Variants in PARP1 observed in about 807,000 individuals in gnomAD.
PARP1 encodes poly [ADP-ribose] polymerase 1.
In PARP1, 44 loss-of-function variants were observed where a neutral mutation model predicts 118.7. The ratio of observed to expected loss-of-function variants is 0.37; its 90% CI spans 0.29 to 0.48. The LOEUF is 0.48. Among genes scored for constraint, PARP1 ranks in the 20% least tolerant of loss-of-function variants. The pLI, the probability that PARP1 is intolerant of heterozygous loss-of-function variation, is 0.99. For missense variants in PARP1, 1,100 were observed against 1,272.4 expected, an observed-to-expected ratio of 0.86 and a Z score of 2.06; for synonymous variants, 492 against 483.2, an observed-to-expected ratio of 1.02 and a Z score of -0.24.
intron 1 of PARP1, among the ~76,000 whole-genome samples, chr1:226,406,479 C>G (rs866867310): frequency 9.9e-5 from 15 of 152,220 alleles, no homozygotes; most frequent in African/African-American, 2.9e-4. Flanking sequence ...TTCTGCTCCA[C>G]TTCTGTGAAT....
rs751615758 is a variant in PARP1, at chr1:226,367,542, A to C, written c.2344T>G (p.Ser782Ala). 2 of 1,613,824 alleles carry C rather than the reference A, an allele frequency of 1.2e-6. No homozygotes were observed. Among genetic ancestry groups the C allele is most frequent in the South Asian group, 2.2e-5 (2 of 91,058 alleles). Residue 782 changes from serine (S) to alanine (A), a missense_variant, in exon 17 of 23, where the codon TCT becomes GCT. Physicochemically the swap from Ser to Ala is moderately conservative, Grantham distance 99 (BLOSUM62 1). Coordinates refer to ENST00000366794, the MANE Select transcript of PARP1 (RefSeq NM_001618.4). ...EVAYSLLRGG[S>A]DDSSKDPIDV... ...ATGGGATCCTTGCTGCTATCATCAG[A>C]CCCTCCCCTGAGCAGACTGTAGGCC... is the stretch of plus-strand genomic sequence containing the variant.
At chr1:226,397,997 C>T (rs1664959842) in intron 2 of PARP1, among the ~76,000 whole-genome samples, 1 of 150,244 alleles carries the variant, frequency 6.7e-6, no homozygotes, top group South Asian at 2.1e-4. Flanking sequence ...GGAATCTAGA[C>T]ACAGACCTTA....
Position 226,368,179 on chromosome 1 carries a change from C to G in PARP1, c.2277+20G>C. 6.2e-7 allele frequency: 1 copy of G among 1,614,110 alleles called. No individual in the cohort carries two copies. Among genetic ancestry groups the G allele is most frequent in the Non-Finnish European group, 8.5e-7 (1 of 1,180,012 alleles). On this transcript the variant is annotated intron_variant, in intron 16 of 22. Transcript: ENST00000366794. ...CCCCAGCCCAGCAGACCTGCAGTCC[C>G]TTCTGAACCCTTGCGCTACCTGCAC...
Position 226,392,262 on chromosome 1 carries a change from A to G in PARP1, c.339T>C (p.Phe113=), listed in dbSNP as rs61750986. The G allele has an allele frequency of 3.3e-3, 5,322 of 1,614,106 alleles. 18 individuals are homozygous for G. The highest frequency in any genetic ancestry group is 3.9e-3 in the Non-Finnish European group (4,660 of 1,179,986). Reference sequence around the variant, plus strand: ...TGTTGGACTTGGCATACTCTGCTGCAAAGTCACCCAGAGTCTTCTCTGCCT... The same window carrying G: ...TGTTGGACTTGGCATACTCTGCTGCGAAGTCACCCAGAGTCTTCTCTGCCT... The part of the protein sequence containing the change: ...GSKAEKTLGD[F]AAEYAKSNRS... Residue 113 remains phenylalanine, a synonymous_variant, in exon 3 of 23, where the codon TTT becomes TTC. Transcript: ENST00000366794.
intron 19 of PARP1, 139 bp downstream of exon 19, chr1:226,364,863 G>A (rs996837112): frequency 1.1e-6 from 1 of 944,166 alleles, no homozygotes; most frequent in Admixed American, 1.8e-5. Context: ...TTAGGGTCAG[G>A]AGGATAAAAG....
intron 9 of PARP1, 114 bp downstream of exon 9, chr1:226,380,954 G>T: frequency 8.7e-7 from 1 of 1,154,758 alleles, no homozygotes. Flanking sequence ...CAGCGATGAT[G>T]ATGTTAAGAT....
intron 13 of PARP1, 118 bp from the exon 14 acceptor site, chr1:226,374,472 A>T: frequency 8.4e-7 from 1 of 1,185,218 alleles, no homozygotes; most frequent in Non-Finnish European, 1.2e-6. Flanking sequence ...CAGCAAAAAA[A>T]GCTGAGTGTT....
Position 226,368,188 on chromosome 1 carries a change from C to T in PARP1, c.2277+11G>A. On this transcript the variant is annotated intron_variant, in intron 16 of 22. Transcript: ENST00000366794. Reference sequence around the variant, plus strand: ...AGCAGACCTGCAGTCCCTTCTGAACCCTTGCGCTACCTGCACACTGTCTGC... The same window carrying T: ...AGCAGACCTGCAGTCCCTTCTGAACTCTTGCGCTACCTGCACACTGTCTGC... The T allele has an allele frequency of 6.2e-7, 1 of 1,614,102 alleles. No individual in the cohort carries two copies. The highest frequency in any genetic ancestry group is 8.5e-7 in the Non-Finnish European group (1 of 1,180,012).
At chr1:226,400,740 G>A (rs1665019637) in intron 2 of PARP1, among the ~76,000 whole-genome samples, 1 of 152,212 alleles carries the variant, frequency 6.6e-6, no homozygotes, top group African/African-American at 2.4e-5. Flanking sequence ...GCAGAGGCCA[G>A]GAACACAGTC....
intron 14 of PARP1, among the ~76,000 whole-genome samples, chr1:226,372,566 T>G (rs991406394): frequency 1.3e-5 from 2 of 152,086 alleles, no homozygotes; most frequent in African/African-American, 2.4e-5. Flanking sequence ...TCCCAGCTAC[T>G]CGGGAGGCTG....
chr1:226,362,255 A>C, intron 21 of PARP1, 172 bp from the exon 22 acceptor site: 1 of 585,138 alleles, frequency 1.7e-6, no homozygotes. Context: ...GTGTGACTTC[A>C]GCTCAGTGCA....
Position 226,407,375 on chromosome 1 carries a change from A to AAC in PARP1, c.120+434_120+435insGT, listed in dbSNP as rs1460438667. 4.2e-3 allele frequency among the ~76,000 whole-genome samples: 322 copies of AAC among 76,966 alleles called. 3 individuals are homozygous for AAC. Among genetic ancestry groups the AAC allele is most frequent in the African/African-American group, 0.024 (310 of 13,122 alleles). The allele number at this position is 76,966 out of a possible 152,430, so 50.5% of individuals were successfully genotyped here. A position where few individuals can be genotyped will look rare whatever the true frequency, so the allele number is the denominator to read the frequency against. On this transcript the variant is annotated intron_variant, in intron 1 of 22. Transcript: ENST00000366794. ...AATGACTGCCAAAAATAGGTTTAAC[A>AAC]AAAAAAAAAAAAACCCACATGTCAG... is the stretch of plus-strand genomic sequence containing the variant.
intron 14 of PARP1, chr1:226,371,050 C>T (rs374274306): frequency 1.9e-4 from 31 of 160,548 alleles, no homozygotes; most frequent in East Asian, 1.5e-3. Flanking sequence ...AGATCAGTCA[C>T]CTCCAACAAA....
intron 2 of PARP1, among the ~76,000 whole-genome samples, chr1:226,394,718 T>C (rs755115372): frequency 7.9e-5 from 12 of 152,070 alleles, no homozygotes; most frequent in Non-Finnish European, 8.8e-5. Flanking sequence ...GGCTGGAGTG[T>C]AGGCTGTGAT....
intron 1 of PARP1, among the ~76,000 whole-genome samples, chr1:226,402,918 A>G (rs1665066219): frequency 6.6e-6 from 1 of 152,268 alleles, no homozygotes; most frequent in Admixed American, 6.5e-5. Context: ...CAAAGCAGAG[A>G]AAGTGTGTCA....
chr1:226,383,239 C>A, intron 7 of PARP1, 56 bp from the exon 8 acceptor site: 1 of 1,409,240 alleles, frequency 7.1e-7, no homozygotes, highest in South Asian at 1.2e-5. Flanking sequence ...GTAACCACCC[C>A]ATAGACCAAA....
rs1664835464 is a variant in PARP1 at position 226,392,302 on chromosome 1, T to C, written c.299A>G (p.Asp100Gly). 2 of 1,613,530 alleles carry C rather than the reference T, an allele frequency of 1.2e-6. No homozygotes were observed. The highest frequency in any genetic ancestry group is 1.7e-6 in the Non-Finnish European group (2 of 1,179,582). The change falls in exon 3 of 23, where the codon GAT (aspartate) becomes GGT (glycine). Residue 100 changes from aspartate (D) to glycine (G), a missense_variant. Physicochemically the swap from Asp to Gly is moderately conservative, Grantham distance 94 (BLOSUM62 -1). Transcript: ENST00000366794. ...CTTCTCTGCCTTGCTACCAATTCCA[T>C]CCTGGCCTTTGCCTGGAGAATCAAA... ...EAGGVTGKGQ[D>G]GIGSKAEKTL...
chr1:226,399,321 C>T (rs1040104780), intron 2 of PARP1, among the ~76,000 whole-genome samples: 2 of 152,118 alleles, frequency 1.3e-5, no homozygotes, highest in African/African-American at 4.8e-5. Flanking sequence ...CTGCTGGGCT[C>T]GGCCTCCCAA....
intron 16 of PARP1, among the ~76,000 whole-genome samples, chr1:226,367,890 G>C (rs916238219): frequency 3.3e-5 from 5 of 152,200 alleles, no homozygotes; most frequent in African/African-American, 4.8e-5. Flanking sequence ...AGGTACTTTA[G>C]ACAAATGGGT....
Sources: allele counts gnomAD v4.1 joint callset (sites outside exome capture counted in the v4.1 genomes callset), GRCh38; gene constraint gnomAD v4.1.1; transcripts MANE v1.5; gene names NCBI Gene and HGNC (gene_info 2026-07-23, HGNC 2026-07-21).